Variants in ETFA observed in about 807,000 individuals in gnomAD.
ETFA encodes electron transfer flavoprotein subunit alpha, also known as electron transfer flavoprotein subunit alpha, mitochondrial.
ETFA carries 22 observed loss-of-function variants against 46.2 expected under a neutral mutation model. The ratio of observed to expected loss-of-function variants is 0.48; its 90% CI spans 0.34 to 0.68. The LOEUF (loss-of-function observed/expected upper bound fraction) is 0.68. Ranked by LOEUF, ETFA falls within the 30% of genes least tolerant of loss-of-function variation. The probability of loss-of-function intolerance (pLI) is 0.01; values close to 1 mark genes in which losing one functional copy is unlikely to be tolerated. For synonymous variants in ETFA, 131 were observed against 139.9 expected (o/e 0.94, Z 0.45); for missense variants, 345 against 401.1 (o/e 0.86, Z 1.19).
rs554731046 is a variant in ETFA, at chr15:76,278,337, T to C, written c.734-3843A>G. Among the ~76,000 whole-genome samples the C allele has an allele frequency of 2.6e-5, 4 of 152,354 alleles. No homozygotes were observed. The East Asian group carries it at 7.7e-4, about 29-fold the overall frequency. On this transcript the variant is annotated intron_variant, in intron 8 of 11. Coordinates refer to ENST00000557943, the MANE Select transcript of ETFA (RefSeq NM_000126.4). ...GACCCCACTGTAATCTACAATTCTA[T>C]TAACTCTCCCCCATTGTCCTCTTGT... is the stretch of plus-strand genomic sequence containing the variant.
At chr15:76,299,235 G>A (rs948898846) in intron 1 of ETFA, among the ~76,000 whole-genome samples, 48 of 152,190 alleles carry the variant, frequency 3.2e-4, no homozygotes, top group African/African-American at 1.1e-3. Context: ...TTCCTTGTTC[G>A]CACTCTCACC....
intron 9 of ETFA, among the ~76,000 whole-genome samples, chr15:76,240,543 T>C (rs1324686758): frequency 6.6e-6 from 1 of 152,174 alleles, no homozygotes; most frequent in Non-Finnish European, 1.5e-5. Flanking sequence ...AATAACCCAG[T>C]TGCTCAACTA....
intron 1 of ETFA, among the ~76,000 whole-genome samples, chr15:76,301,729 A>ACAAAC (rs1007335597): frequency 3.6e-5 from 5 of 137,596 alleles, no homozygotes; most frequent in Admixed American, 2.9e-4. Context: ...ACAAAACAAA[A>ACAAAC]CAAACACCTC....
chr15:76,267,388 C>T (rs1446350651), intron 9 of ETFA, among the ~76,000 whole-genome samples: 4 of 152,208 alleles, frequency 2.6e-5, no homozygotes, highest in Non-Finnish European at 5.9e-5. Flanking sequence ...ACAAATTCAA[C>T]AAGCCTATAT....
At chr15:76,267,348 A>C (rs1567209515) in intron 9 of ETFA, among the ~76,000 whole-genome samples, 3 of 152,266 alleles carry the variant, frequency 2.0e-5, no homozygotes, top group Non-Finnish European at 4.4e-5. Context: ...GATATGATCC[A>C]AATCAGATTA....
chr15:76,226,918 A>C (rs1359003698), intron 10 of ETFA, among the ~76,000 whole-genome samples: 1 of 152,170 alleles, frequency 6.6e-6, no homozygotes, highest in Non-Finnish European at 1.5e-5. Flanking sequence ...CAATAGAATA[A>C]AATAAAACAA....
intron 9 of ETFA, among the ~76,000 whole-genome samples, chr15:76,242,021 G>C (rs951273926): frequency 2.6e-5 from 4 of 151,808 alleles, no homozygotes; most frequent in Non-Finnish European, 5.9e-5. Context: ...ATTTTTAGTA[G>C]AGACAAGGTT....
chr15:76,259,180 G>T, intron 9 of ETFA: 2 of 1,513,338 alleles, frequency 1.3e-6, no homozygotes, highest in Non-Finnish European at 1.8e-6. Context: ...CCACTGTAGG[G>T]CTGATCCCCG....
At position 76,257,136 on chromosome 15, in the gene ETFA, C is replaced by T. The variant is rs554006411; in HGVS notation, c.816+17276G>A. 3.9e-5 allele frequency among the ~76,000 whole-genome samples: 6 copies of T among 152,280 alleles called. No individual in the cohort carries two copies. In the South Asian group the frequency reaches 1.2e-3, roughly 32 times the overall value. On this transcript the variant is annotated intron_variant, in intron 9 of 11. Transcript: ENST00000557943. ...AGCAACTAACAGCTTGGAAATGTCC[C>T]TAACAGTTAGGACCCGCCCCATGCA...
At chr15:76,260,666 G>C (rs867571258) in intron 9 of ETFA, 11 of 1,577,576 alleles carry the variant, frequency 7.0e-6, no homozygotes, top group Non-Finnish European at 9.6e-6. Context: ...AAGGGCCCTC[G>C]GGGATCACTT....
chr15:76,286,402 T>C lies in ETFA; in HGVS notation c.531A>G (p.Ala177=). 1 of 1,613,506 alleles carries C rather than the reference T, an allele frequency of 6.2e-7. No homozygotes were observed. The highest frequency in any genetic ancestry group is 8.5e-7 in the Non-Finnish European group (1 of 1,179,404). The change falls in exon 6 of 12, where the codon GCA becomes GCG. Residue 177 remains alanine (A), a synonymous_variant. Coordinates refer to ENST00000557943, the MANE Select transcript of ETFA (RefSeq NM_000126.4). ...CTGAACTGGCACTACCGCCACTTGT[T>C]GCTGCAGCATCAAAGGATGTTCCAC... ...SVRGTSFDAA[A]TSGGSASSEK...
chr15:76,248,919 A>G (rs2039268755), intron 9 of ETFA, among the ~76,000 whole-genome samples: 1 of 152,032 alleles, frequency 6.6e-6, no homozygotes, highest in Non-Finnish European at 1.5e-5. Flanking sequence ...TAAGAAAAAG[A>G]TAACTTAATA....
At chr15:76,256,094 C>T (rs1293237542) in intron 9 of ETFA, among the ~76,000 whole-genome samples, 1 of 151,568 alleles carries the variant, frequency 6.6e-6, no homozygotes, top group East Asian at 1.9e-4. Flanking sequence ...CTTATCTCCA[C>T]TAAAAATACA....
intron 9 of ETFA, among the ~76,000 whole-genome samples, chr15:76,251,056 G>A (rs773146546): frequency 4.6e-5 from 7 of 151,950 alleles, no homozygotes; most frequent in Non-Finnish European, 7.4e-5. Context: ...GGAATACAGC[G>A]AATATAAGCT....
chr15:76,280,757 A>C (rs557477740), intron 8 of ETFA, among the ~76,000 whole-genome samples: 1 of 152,052 alleles, frequency 6.6e-6, no homozygotes, highest in South Asian at 2.1e-4. Context: ...TGCACTTTCC[A>C]TTCCAACACT....
At chr15:76,285,769 A>C in intron 6 of ETFA, 31 bp from the exon 7 acceptor site, 3 of 1,241,780 alleles carry the variant, frequency 2.4e-6, no homozygotes, top group Non-Finnish European at 3.6e-6. Flanking sequence ...TAAAACAATG[A>C]CTATGATTTC....
chr15:76,260,325 C>T, intron 9 of ETFA: 2 of 1,324,212 alleles, frequency 1.5e-6, no homozygotes, highest in Non-Finnish European at 1.1e-6. Context: ...AAAGCCTTGC[C>T]CAAACCACGT....
At chr15:76,257,909 A>G (rs1399674803) in intron 9 of ETFA, among the ~76,000 whole-genome samples, 1 of 151,364 alleles carries the variant, frequency 6.6e-6, no homozygotes, top group African/African-American at 2.4e-5. Context: ...TCAGTAAATT[A>G]TCGCAAGGAC....
At chr15:76,262,691 C>T (rs567522668) in intron 9 of ETFA, among the ~76,000 whole-genome samples, 1 of 152,008 alleles carries the variant, frequency 6.6e-6, no homozygotes, top group African/African-American at 2.4e-5. Context: ...ACCGTGTAAT[C>T]CAGGATGGTC....
Sources: allele counts gnomAD v4.1 joint callset (sites outside exome capture counted in the v4.1 genomes callset), GRCh38; gene constraint gnomAD v4.1.1; transcripts MANE v1.5; gene names NCBI Gene and HGNC (gene_info 2026-07-23, HGNC 2026-07-21).